EIF2B3: variants seen among roughly 807,000 people sequenced by gnomAD.
EIF2B3 encodes the protein eukaryotic translation initiation factor 2B subunit gamma, also known as translation initiation factor eIF2B subunit gamma.
In EIF2B3, 20 loss-of-function variants were observed where a neutral mutation model predicts 54.1. The ratio of observed to expected loss-of-function variants is 0.37; its 90% CI spans 0.26 to 0.54. The LOEUF (loss-of-function observed/expected upper bound fraction) is 0.54. Ranked by LOEUF, EIF2B3 falls within the 20% of genes least tolerant of loss-of-function variation. The probability of loss-of-function intolerance (pLI) is 0.86; values close to 1 mark genes in which losing one functional copy is unlikely to be tolerated. For missense variants in EIF2B3, 448 were observed against 547.8 expected (o/e 0.82, Z 1.82); for synonymous variants, 153 against 188.1 (o/e 0.81, Z 1.52).
Position 44,851,016 on chromosome 1 carries a change from A to C in EIF2B3, c.1307-13T>G. The stretch of plus-strand genomic sequence containing the variant: ...TTCACTCGTTTAGCTACAAAAGAAA[A>C]GGAAAAAAGTTTTCTGAGAACTGGC... On this transcript the variant is annotated splice_polypyrimidine_tract_variant and intron_variant, in intron 11 of 11. Transcript: ENST00000360403. The C allele has an allele frequency of 6.2e-7, 1 of 1,613,590 alleles. No homozygotes were observed. Among genetic ancestry groups the C allele is most frequent in the South Asian group, 1.1e-5 (1 of 91,078 alleles).
Position 44,978,405 on chromosome 1 carries a change from C to T in EIF2B3, c.204G>A (p.Lys68=), listed in dbSNP as rs754243775. 1 of 1,613,910 alleles carries T rather than the reference C, an allele frequency of 6.2e-7. No individual in the cohort carries two copies. The highest frequency in any genetic ancestry group is 1.7e-5 in the Admixed American group (1 of 59,990). Reference sequence around the variant, plus strand: ...ACACAATATCTGGCTTCATTTTCATCTTGAATTCTGCACATAGAGCCTTTT... The same window carrying T: ...ACACAATATCTGGCTTCATTTTCATTTTGAATTCTGCACATAGAGCCTTTT... ...DVQKALCAEF[K]MKMKPDIVCI... The change falls in exon 3 of 12, where the codon AAG becomes AAA. Residue 68 remains lysine, a synonymous_variant. Coordinates refer to ENST00000360403, the MANE Select transcript of EIF2B3 (RefSeq NM_020365.5).
intron 3 of EIF2B3, among the ~76,000 whole-genome samples, chr1:44,944,990 C>T (rs2148944733): frequency 6.6e-6 from 1 of 151,998 alleles, no homozygotes; most frequent in East Asian, 1.9e-4. Context: ...ATGATTTCAA[C>T]TCATAGTCTA....
chr1:44,903,724 GC>G (rs1414065680), intron 5 of EIF2B3, among the ~76,000 whole-genome samples: 1 of 152,214 alleles, frequency 6.6e-6, no homozygotes, highest in East Asian at 1.9e-4. Context: ...GAACTGGTAT[GC>G]ATGTTGATAT....
intron 6 of EIF2B3, among the ~76,000 whole-genome samples, chr1:44,889,028 G>GCCCT (rs1446719338): frequency 6.6e-5 from 10 of 152,328 alleles, no homozygotes; most frequent in Admixed American, 3.9e-4. Flanking sequence ...TCACAGTGAT[G>GCCCT]CCCTGGGTTC....
intron 4 of EIF2B3, among the ~76,000 whole-genome samples, chr1:44,934,145 C>A (rs1295603645): frequency 6.6e-6 from 1 of 151,974 alleles, no homozygotes; most frequent in Non-Finnish European, 1.5e-5. Context: ...CACCTGTAAT[C>A]CCGGCACTTT....
rs1023991454 is a variant in EIF2B3, at chr1:44,984,797, C to CTTTA, written c.-10+1695_-10+1696insTAAA. ...GTAAAGCAGACAAAATAATGTCCAT[C>CTTTA]TTTTTTTTTTTTTTTTTTTTGAGAC... On this transcript the variant is annotated intron_variant, in intron 1 of 11. Transcript: ENST00000360403. Among the ~76,000 whole-genome samples the CTTTA allele has an allele frequency of 1.5e-4, 13 of 88,576 alleles. 1 individual carries two copies. Among genetic ancestry groups the CTTTA allele is most frequent in the Non-Finnish European group, 2.4e-4 (12 of 50,714 alleles). 58.1% of individuals were successfully genotyped at this position (88,576 alleles called of 152,430 possible). A position where few individuals can be genotyped will look rare whatever the true frequency, so the allele number is the denominator to read the frequency against.
At position 44,900,812 on chromosome 1, in the gene EIF2B3, T is replaced by G. The variant is rs185734121; in HGVS notation, c.567-3368A>C. The stretch of plus-strand genomic sequence containing the variant: ...ATCAAAGTTTTGGTCTGCATTTCCC[T>G]ATGACATGATGTTGAGGATCTTTTC... On this transcript the variant is annotated intron_variant, in intron 5 of 11. Transcript: ENST00000360403. Among the ~76,000 whole-genome samples, 4 of 152,326 alleles carry G rather than the reference T, an allele frequency of 2.6e-5. No individual in the cohort carries two copies. The East Asian group carries it at 7.7e-4, about 29-fold the overall frequency.
rs868626639 is a variant in EIF2B3, at chr1:44,876,500, T to C, written c.976-805A>G. 2.2e-3 allele frequency among the ~76,000 whole-genome samples: 253 copies of C among 115,338 alleles called. 1 individual carries two copies. The highest frequency in any genetic ancestry group is 8.2e-3 in the African/African-American group (234 of 28,458). 75.7% of individuals were successfully genotyped at this position (115,338 alleles called of 152,430 possible). The stretch of plus-strand genomic sequence containing the variant: ...CCCCGTCTGAGAAGTGAGGAGCCCC[T>C]CCGTCCGGCAGCCACCCCGTCTGGG... On this transcript the variant is annotated intron_variant, in intron 8 of 11. Coordinates refer to ENST00000360403, the MANE Select transcript of EIF2B3 (RefSeq NM_020365.5).
At chr1:44,864,390 C>A (rs529659623) in intron 10 of EIF2B3, among the ~76,000 whole-genome samples, 169 of 151,946 alleles carry the variant, frequency 1.1e-3, no homozygotes, top group African/African-American at 3.7e-3. Flanking sequence ...CATAGCAAAC[C>A]CCGTCTACTA....
chr1:44,911,693 G>GTTTGT lies in EIF2B3; in HGVS notation c.567-14254_567-14250dup, dbSNP rs576546877. Among the ~76,000 whole-genome samples, 285 of 152,054 alleles carry GTTTGT rather than the reference G, an allele frequency of 1.9e-3. 2 individuals are homozygous for GTTTGT. Among genetic ancestry groups the GTTTGT allele is most frequent in the Middle Eastern group, 0.01 (3 of 294 alleles). ...ACGTATGAGTCTTGCTTTTTTGTTT[G>GTTTGT]TTTGTTTTGTTTTGTTTTGTTTTTT... On this transcript the variant is annotated intron_variant, in intron 5 of 11. Coordinates refer to ENST00000360403, the MANE Select transcript of EIF2B3 (RefSeq NM_020365.5).
rs571645180 is a variant in EIF2B3 at position 44,956,301 on chromosome 1, G to A, written c.295-14636C>T. Among the ~76,000 whole-genome samples the A allele has an allele frequency of 2.2e-3, 340 of 152,204 alleles. 15 individuals carry two copies. In the South Asian group the frequency reaches 0.067, roughly 30 times the overall value. ...ACACTGCATGTTCTCACTCATAAGT[G>A]GGAGTTGAACAATGAGAACACGTGG... On this transcript the variant is annotated intron_variant, in intron 3 of 11. Transcript: ENST00000360403.
intron 6 of EIF2B3, among the ~76,000 whole-genome samples, chr1:44,884,363 C>G (rs1655510653): frequency 6.6e-6 from 1 of 152,188 alleles, no homozygotes; most frequent in Non-Finnish European, 1.5e-5. Flanking sequence ...TCTCCCAGCC[C>G]CCATTCAAAG....
intron 8 of EIF2B3, 142 bp downstream of exon 8, chr1:44,879,676 C>A: frequency 1.1e-6 from 1 of 943,984 alleles, no homozygotes; most frequent in Non-Finnish European, 1.7e-6. Flanking sequence ...CTAGTAGTCT[C>A]CCTTGACGTG....
In EIF2B3 at chr1:44,941,540, T is replaced by C; in HGVS notation, c.420A>G (p.Glu140=). ...MLMRKGQDSI[E]PVPGQKGKKK... Reference sequence around the variant, plus strand: ...TTTTCCCCTTTTGACCGGGAACAGGTTCTATGCTATCTTGGCCTTTTCTCA... The same window carrying C: ...TTTTCCCCTTTTGACCGGGAACAGGCTCTATGCTATCTTGGCCTTTTCTCA... The change falls in exon 4 of 12, where the codon GAA becomes GAG. Residue 140 remains glutamate, a synonymous_variant. Transcript: ENST00000360403. The C allele has an allele frequency of 6.2e-7, 1 of 1,613,152 alleles. No individual in the cohort carries two copies. The highest frequency in any genetic ancestry group is 8.5e-7 in the Non-Finnish European group (1 of 1,179,528).
intron 5 of EIF2B3, among the ~76,000 whole-genome samples, chr1:44,914,714 A>G (rs950468110): frequency 1.3e-5 from 2 of 151,436 alleles, no homozygotes; most frequent in African/African-American, 4.9e-5. Flanking sequence ...TTTGAGACGG[A>G]GTCTCGCTCT....
intron 3 of EIF2B3, among the ~76,000 whole-genome samples, chr1:44,965,780 C>T (rs1303843372): frequency 7.9e-5 from 12 of 151,624 alleles, no homozygotes; most frequent in African/African-American, 2.7e-4. Context: ...GCTGGGACTA[C>T]AGGTGCACAC....
At chr1:44,972,826 G>A (rs6678769) in intron 3 of EIF2B3, among the ~76,000 whole-genome samples, 43,413 of 151,802 alleles carry the variant, frequency 0.29, 6,750 homozygotes, top group African/African-American at 0.38. Flanking sequence ...GTCACCATGC[G>A]TGGCTAATTT....
rs112045833 is a variant in EIF2B3 at position 44,976,963 on chromosome 1, G to C, written c.294+1352C>G. On this transcript the variant is annotated intron_variant, in intron 3 of 11. Transcript: ENST00000360403. The stretch of plus-strand genomic sequence containing the variant: ...TCTAGATTTGGATAATGGTAATCTA[G>C]GTGTATATTTAGTATCTGTGCATTT... Among the ~76,000 whole-genome samples the C allele has an allele frequency of 7.2e-3, 1,094 of 152,264 alleles. 14 individuals carry two copies. Among genetic ancestry groups the C allele is most frequent in the African/African-American group, 0.025 (1,046 of 41,546 alleles).
At chr1:44,886,982 C>T (rs750620695) in intron 6 of EIF2B3, among the ~76,000 whole-genome samples, 8 of 152,168 alleles carry the variant, frequency 5.3e-5, no homozygotes, top group Non-Finnish European at 7.3e-5. Context: ...ACCCCAGGAG[C>T]GCTGAGTGAA....
Sources: gnomAD v4.1 joint callset for allele counts (sites outside exome capture counted in the v4.1 genomes callset) on GRCh38, gnomAD v4.1.1 for gene constraint, MANE v1.5 for transcripts, NCBI Gene and HGNC (gene_info 2026-07-23, HGNC 2026-07-21) for gene names.